LAMA2: variants seen among roughly 807,000 people sequenced by gnomAD.
The protein encoded by LAMA2 is laminin subunit alpha-2.
Under a neutral mutation model 364.8 loss-of-function variants are expected in LAMA2, and 269 were observed. The observed-to-expected ratio is 0.74, with a 90% CI of 0.67 to 0.82. The LOEUF (loss-of-function observed/expected upper bound fraction) is 0.82. Among genes scored for constraint, LAMA2 ranks in the 40% least tolerant of loss-of-function variants. The probability of loss-of-function intolerance (pLI) is 0.00; values close to 1 mark genes in which losing one functional copy is unlikely to be tolerated. For synonymous variants in LAMA2, 1,379 were observed against 1,370.6 expected (o/e 1.01, Z -0.14); for missense variants, 3,807 against 3,873.2 (o/e 0.98, Z 0.45).
At chr6:129,232,753 G>C (rs1200861037) in intron 12 of LAMA2, among the ~76,000 whole-genome samples, 1 of 152,066 alleles carries the variant, frequency 6.6e-6, no homozygotes, top group Non-Finnish European at 1.5e-5. Flanking sequence ...CTAAGTTTAA[G>C]AACCTTAAGG....
At chr6:129,478,049 C>T (rs1784163015) in intron 53 of LAMA2, among the ~76,000 whole-genome samples, 1 of 152,180 alleles carries the variant, frequency 6.6e-6, no homozygotes. Flanking sequence ...CCTCTTCGGC[C>T]TCCCAAAATG....
chr6:128,883,772 G>A lies in LAMA2; in HGVS notation c.112+415G>A, dbSNP rs539874841. 1.8e-4 allele frequency among the ~76,000 whole-genome samples: 26 copies of A among 143,292 alleles called. No individual in the cohort carries two copies. In the South Asian group the frequency reaches 5.3e-3, roughly 29 times the overall value. The allele number at this position is 143,292 out of a possible 152,430, so 94.0% of individuals were successfully genotyped here. A position where few individuals can be genotyped will look rare whatever the true frequency, so the allele number is the denominator to read the frequency against. ...TGGGACTTTATGGAGGGTAGCTGATGCATCAAAAAAAAATTATATATATAT... is the reference window on the plus strand; with the variant it reads ...TGGGACTTTATGGAGGGTAGCTGATACATCAAAAAAAAATTATATATATAT... On this transcript the variant is annotated intron_variant, in intron 1 of 64. Transcript: ENST00000421865.
At chr6:128,909,440 C>G (rs1777737640) in intron 1 of LAMA2, among the ~76,000 whole-genome samples, 1 of 151,262 alleles carries the variant, frequency 6.6e-6, no homozygotes, top group African/African-American at 2.4e-5. Flanking sequence ...TCTGTTTTAT[C>G]AGAGACTAGG....
intron 12 of LAMA2, among the ~76,000 whole-genome samples, chr6:129,200,114 ATATATATGTG>A (rs1324619497): frequency 0.046 from 5,147 of 112,270 alleles, 343 homozygotes; most frequent in African/African-American, 0.12. Flanking sequence ...GTGTACACGT[ATATATATGTG>A]TATATATATA....
intron 1 of LAMA2, among the ~76,000 whole-genome samples, chr6:129,004,147 G>A (rs1259105772): frequency 1.5e-4 from 3 of 20,558 alleles, no homozygotes; most frequent in East Asian, 6.9e-4. Context: ...GTAAACTATC[G>A]CAAGAACAAA....
chr6:129,044,211 C>T (rs1787308369), intron 1 of LAMA2, among the ~76,000 whole-genome samples: 1 of 151,990 alleles, frequency 6.6e-6, no homozygotes, highest in African/African-American at 2.4e-5. Flanking sequence ...TACATACACA[C>T]ACCAAATATA....
At chr6:129,242,061 C>T (rs762100936) in intron 12 of LAMA2, among the ~76,000 whole-genome samples, 11 of 152,118 alleles carry the variant, frequency 7.2e-5, no homozygotes, top group Non-Finnish European at 1.0e-4. Flanking sequence ...GAAATTCATT[C>T]AACTCATATT....
intron 5 of LAMA2, 54 bp from the exon 6 acceptor site, chr6:129,146,905 A>T: frequency 9.4e-7 from 1 of 1,060,382 alleles, no homozygotes; most frequent in Non-Finnish European, 1.5e-6. Flanking sequence ...CCCTTTTGTT[A>T]CTTTGACCTT....
At chr6:129,306,313 CT>C (rs11315443) in intron 22 of LAMA2, among the ~76,000 whole-genome samples, 10,397 of 70,422 alleles carry the variant, frequency 0.15, 230 homozygotes, top group East Asian at 0.32. Flanking sequence ...TAATTTTTTC[CT>C]TTTTTTTTTT....
At chr6:129,268,251 G>T (rs918488413) in intron 16 of LAMA2, among the ~76,000 whole-genome samples, 3 of 151,978 alleles carry the variant, frequency 2.0e-5, no homozygotes, top group African/African-American at 7.2e-5. Context: ...TTAATTTGTG[G>T]ATCAGTGGAT....
intron 15 of LAMA2, among the ~76,000 whole-genome samples, chr6:129,264,052 AT>A (rs200632791): frequency 1.3e-5 from 2 of 152,064 alleles, no homozygotes; most frequent in African/African-American, 4.8e-5. Flanking sequence ...CCTGAGTTAC[AT>A]TTTTTTGAAG....
chr6:128,984,137 C>A (rs1462727704), intron 1 of LAMA2, among the ~76,000 whole-genome samples: 2 of 152,078 alleles, frequency 1.3e-5, no homozygotes, highest in African/African-American at 4.8e-5. Flanking sequence ...AAATTTCACC[C>A]TTTCCCTTCC....
At chr6:129,506,491 A>T (rs1231569854) in intron 61 of LAMA2, among the ~76,000 whole-genome samples, 1 of 152,200 alleles carries the variant, frequency 6.6e-6, no homozygotes, top group Non-Finnish European at 1.5e-5. Context: ...AAATATTGAG[A>T]GGTGCAGTAG....
In LAMA2 at chr6:129,430,544, C is replaced by T. The variant is rs1028510788; in HGVS notation, c.5968+2690C>T. Among the ~76,000 whole-genome samples, 13 of 152,110 alleles carry T rather than the reference C, an allele frequency of 8.5e-5. 1 individual carries two copies. Among genetic ancestry groups the T allele is most frequent in the African/African-American group, 2.7e-4 (11 of 41,386 alleles). On this transcript the variant is annotated intron_variant, in intron 41 of 64. Coordinates refer to ENST00000421865, the MANE Select transcript of LAMA2 (RefSeq NM_000426.4). ...TGAAGCCTGTCTACATTGCACTGATCGAATGTTTGTGGAGATAAAAAGTAT... is the reference window on the plus strand; with the variant it reads ...TGAAGCCTGTCTACATTGCACTGATTGAATGTTTGTGGAGATAAAAAGTAT...
At chr6:129,149,942 G>A (rs1353766044) in intron 7 of LAMA2, among the ~76,000 whole-genome samples, 2 of 152,138 alleles carry the variant, frequency 1.3e-5, no homozygotes, top group Admixed American at 6.6e-5. Context: ...ACAGGAACTT[G>A]AGTATCCTTG....
At chr6:129,157,103 A>C (rs1477885824) in intron 8 of LAMA2, among the ~76,000 whole-genome samples, 1 of 152,134 alleles carries the variant, frequency 6.6e-6, no homozygotes, top group Non-Finnish European at 1.5e-5. Context: ...ATACAAACGA[A>C]CTGAATGTCT....
chr6:129,258,182 C>T (rs1786844280), intron 14 of LAMA2, among the ~76,000 whole-genome samples: 1 of 152,030 alleles, frequency 6.6e-6, no homozygotes, highest in African/African-American at 2.4e-5. Flanking sequence ...AACATAAGTA[C>T]TGGCTTTAGT....
At chr6:129,447,612 G>A (rs1254753789) in intron 45 of LAMA2, among the ~76,000 whole-genome samples, 1 of 152,200 alleles carries the variant, frequency 6.6e-6, no homozygotes, top group South Asian at 2.1e-4. Flanking sequence ...AGCCTCACTG[G>A]TTAGGATAAG....
intron 12 of LAMA2, among the ~76,000 whole-genome samples, chr6:129,238,288 G>T (rs1385595683): frequency 6.6e-6 from 1 of 152,102 alleles, no homozygotes; most frequent in Non-Finnish European, 1.5e-5. Flanking sequence ...GAGAGGAAAA[G>T]AAATAATGTT....
Sources: gnomAD v4.1 joint callset for allele counts (sites outside exome capture counted in the v4.1 genomes callset) on GRCh38, gnomAD v4.1.1 for gene constraint, MANE v1.5 for transcripts, NCBI Gene and HGNC (gene_info 2026-07-23, HGNC 2026-07-21) for gene names.